The following DOCK5 variants were observed in gnomAD, a reference collection of about 807,000 sequenced individuals.
DOCK5 encodes dedicator of cytokinesis 5.
DOCK5 carries 142 observed loss-of-function variants against 251.8 expected under a neutral mutation model. That is an observed-to-expected ratio of 0.56 (90% CI 0.49 to 0.65). DOCK5 has a LOEUF of 0.65. DOCK5 is among the 30% of genes least tolerant of loss of function. The probability of loss-of-function intolerance (pLI) is 0.00; values close to 1 mark genes in which losing one functional copy is unlikely to be tolerated. For missense variants in DOCK5, 2,111 were observed against 2,312.3 expected (o/e 0.91, Z 1.79); for synonymous variants, 842 against 835.5 (o/e 1.01, Z -0.13).
chr8:25,272,766 C>T (rs898467605), intron 3 of DOCK5, among the ~76,000 whole-genome samples: 1 of 152,082 alleles, frequency 6.6e-6, no homozygotes, highest in African/African-American at 2.4e-5. Context: ...GCACTAAGTA[C>T]ATTCTCATTG....
intron 1 of DOCK5, among the ~76,000 whole-genome samples, chr8:25,228,475 T>TGCC (rs1802586640): frequency 6.6e-6 from 1 of 152,212 alleles, no homozygotes; most frequent in Admixed American, 6.5e-5. Flanking sequence ...TCCTTGTGGC[T>TGCC]ACCCCATAGG....
chr8:25,198,883 A>G (rs905680136), intron 1 of DOCK5, among the ~76,000 whole-genome samples: 1 of 152,228 alleles, frequency 6.6e-6, no homozygotes, highest in Non-Finnish European at 1.5e-5. Flanking sequence ...CTCTCCATCC[A>G]AAGGGGAAGA....
intron 1 of DOCK5, among the ~76,000 whole-genome samples, chr8:25,233,763 AT>A (rs1237362737): frequency 2.0e-5 from 3 of 151,656 alleles, no homozygotes; most frequent in Non-Finnish European, 4.4e-5. Context: ...TTTTTAAAAA[AT>A]TTTGTTTTAT....
intron 15 of DOCK5, among the ~76,000 whole-genome samples, chr8:25,320,439 A>G (rs1805393194): frequency 6.6e-6 from 1 of 152,190 alleles, no homozygotes. Flanking sequence ...TTCTTCAGAT[A>G]TGTATTTTAG....
intron 1 of DOCK5, among the ~76,000 whole-genome samples, chr8:25,210,047 T>TAAAA (rs1563309199): frequency 4.0e-5 from 1 of 25,114 alleles, no homozygotes; most frequent in African/African-American, 1.4e-4. Flanking sequence ...TGTGTGTGTG[T>TAAAA]GTGTGTGTGT....
At chr8:25,387,663 G>A (rs1801187994) in intron 40 of DOCK5, among the ~76,000 whole-genome samples, 3 of 152,280 alleles carry the variant, frequency 2.0e-5, no homozygotes, top group Middle Eastern at 6.8e-3. Flanking sequence ...CCTGCCATGC[G>A]AGACCATTCA....
At chr8:25,374,930 G>A in intron 37 of DOCK5, 2 of 1,253,672 alleles carry the variant, frequency 1.6e-6, no homozygotes, top group Non-Finnish European at 2.0e-6. Flanking sequence ...AACACACATT[G>A]ATGAATACAT....
At chr8:25,235,030 A>G (rs1802759452) in intron 1 of DOCK5, among the ~76,000 whole-genome samples, 1 of 151,980 alleles carries the variant, frequency 6.6e-6, no homozygotes, top group Non-Finnish European at 1.5e-5. Context: ...GAGAAAGGGG[A>G]AGGAGTGGAG....
At chr8:25,302,150 T>G (rs1221434686) in intron 9 of DOCK5, among the ~76,000 whole-genome samples, 175 bp from the exon 10 acceptor site, 2 of 152,230 alleles carry the variant, frequency 1.3e-5, no homozygotes, top group Admixed American at 6.5e-5. Flanking sequence ...AGTCATGTTT[T>G]CTGATGCCAT....
chr8:25,282,687 T>C (rs1425864838), intron 5 of DOCK5, among the ~76,000 whole-genome samples: 2 of 151,672 alleles, frequency 1.3e-5, no homozygotes, highest in East Asian at 1.9e-4. Flanking sequence ...AGCAAGACCC[T>C]ATCTCTACAA....
chr8:25,245,512 T>A (rs1803075178), intron 2 of DOCK5, among the ~76,000 whole-genome samples: 1 of 151,868 alleles, frequency 6.6e-6, no homozygotes, highest in African/African-American at 2.4e-5. Flanking sequence ...GGAAAGAATG[T>A]ATATTTAAGG....
intron 17 of DOCK5, 27 bp downstream of exon 17, chr8:25,323,978 A>C: frequency 6.4e-7 from 1 of 1,573,190 alleles, no homozygotes; most frequent in East Asian, 2.3e-5. Context: ...ATGGCTGAGA[A>C]AAATACTCCC....
intron 27 of DOCK5, 22 bp downstream of exon 27, chr8:25,351,848 C>A (rs1800475236): frequency 2.5e-6 from 4 of 1,601,044 alleles, no homozygotes; most frequent in Non-Finnish European, 3.4e-6. Context: ...TTTGTTGGAT[C>A]CCACGGCCGC....
Position 25,380,380 on chromosome 8 carries a change from C to A in DOCK5, c.4012C>A (p.Leu1338Ile), listed in dbSNP as rs562203977. The change falls in exon 39 of 52, where the codon CTT (leucine) becomes ATT (isoleucine). Residue 1338 changes from leucine (L) to isoleucine (I), a missense_variant. Physicochemically the swap from Leu to Ile is conservative, Grantham distance 5. Coordinates refer to ENST00000276440, the MANE Select transcript of DOCK5 (RefSeq NM_024940.8). ...AAGCAAAGTATTTGACTACGAGGGC[C>A]TTGGCAACCTCCTGGTGAGTCTGGG... Reference protein sequence around the residue: ...YESKVFDYEGLGNLLKKRASF... With the variant: ...YESKVFDYEGIGNLLKKRASF... 6.8e-6 allele frequency: 11 copies of A among 1,609,192 alleles called. No homozygotes were observed. In the African/African-American group the frequency reaches 1.3e-4, roughly 20 times the overall value.
intron 46 of DOCK5, 126 bp downstream of exon 46, chr8:25,400,120 G>A (rs1801412309): frequency 1.4e-6 from 1 of 708,226 alleles, no homozygotes; most frequent in Non-Finnish European, 2.4e-6. Context: ...CCTTGTGAAA[G>A]CACCACCTAT....
chr8:25,414,924 A>ATTTTTTTTTTTT lies in DOCK5; in HGVS notation c.*3630_*3631insTTTTTTTTTTTT, dbSNP rs1205298349. 4.2e-4 allele frequency: 27 copies of ATTTTTTTTTTTT among 64,206 alleles called. No homozygotes were observed. Among genetic ancestry groups the ATTTTTTTTTTTT allele is most frequent in the East Asian group, 2.4e-3 (5 of 2,116 alleles). The allele number at this position is 64,206 out of a possible 1,614,324, so 4.0% of individuals were successfully genotyped here. On this transcript the variant is annotated 3_prime_UTR_variant, in exon 52 of 52. Transcript: ENST00000276440. ...CTGGGCCTGTCTTTTTTTTTTTTTA[A>ATTTTTTTTTTTT]TTTTGAAGCTACCTGAGGTTTAGAA...
At chr8:25,316,232 C>T (rs992561764) in intron 13 of DOCK5, among the ~76,000 whole-genome samples, 2 of 152,174 alleles carry the variant, frequency 1.3e-5, no homozygotes, top group African/African-American at 4.8e-5. Flanking sequence ...GTGATCCCAG[C>T]ACTTTGGGAG....
chr8:25,395,397 C>G (rs1801328796), intron 44 of DOCK5, 146 bp from the exon 45 acceptor site: 1 of 874,832 alleles, frequency 1.1e-6, no homozygotes, highest in Admixed American at 3.0e-5. Context: ...GGGACCCCTG[C>G]TATAAGTCTA....
In DOCK5 at chr8:25,332,677, T is replaced by C; in HGVS notation, c.2076T>C (p.Leu692=). ...EMSDSETYDF[L]VFDALVFIIS... ...CAGACAGTGAAACCTATGACTTCCT[T>C]GTGTTTGACGCACTGGTAAGCAGTT... The change falls in exon 20 of 52, where the codon CTT becomes CTC. Residue 692 remains leucine (L), a synonymous_variant. Transcript: ENST00000276440. 1 of 1,612,204 alleles carries C rather than the reference T, an allele frequency of 6.2e-7. No homozygotes were observed. Among genetic ancestry groups the C allele is most frequent in the Non-Finnish European group, 8.5e-7 (1 of 1,179,208 alleles).
Sources: allele counts gnomAD v4.1 joint callset (sites outside exome capture counted in the v4.1 genomes callset), GRCh38; gene constraint gnomAD v4.1.1; transcripts MANE v1.5; gene names NCBI Gene and HGNC (gene_info 2026-07-23, HGNC 2026-07-21).